EVA1C: variants seen among roughly 807,000 people sequenced by gnomAD.
EVA1C encodes the protein eva-1 homolog C.
EVA1C carries 25 observed loss-of-function variants against 45.4 expected under a neutral mutation model. That is an observed-to-expected ratio of 0.55 (90% CI 0.40 to 0.77). EVA1C has a LOEUF of 0.77. Ranked by LOEUF, EVA1C falls within the 30% of genes least tolerant of loss-of-function variation. EVA1C has a pLI of 0.00. For synonymous variants in EVA1C, 190 were observed against 221.2 expected (o/e 0.86, Z 1.25); for missense variants, 479 against 554.8 (o/e 0.86, Z 1.37).
chr21:32,434,643 T>TATATAG (rs1244005602), intron 1 of EVA1C, among the ~76,000 whole-genome samples: 2 of 144,018 alleles, frequency 1.4e-5, no homozygotes, highest in East Asian at 4.1e-4. Context: ...ATTTTATATA[T>TATATAG]ATATAGATAT....
intron 4 of EVA1C, among the ~76,000 whole-genome samples, chr21:32,473,756 G>A (rs2036462110): frequency 6.6e-6 from 1 of 152,184 alleles, no homozygotes; most frequent in Non-Finnish European, 1.5e-5. Flanking sequence ...GGAATGCAGT[G>A]ATGCACCAAG....
At position 32,468,390 on chromosome 21, in the gene EVA1C, AC is replaced by A. The variant is rs377686479; in HGVS notation, c.634+543del. On this transcript the variant is annotated intron_variant, in intron 4 of 7. Coordinates refer to ENST00000300255, the MANE Select transcript of EVA1C (RefSeq NM_058187.5). ...CCTGTCTCAAAAAACAAACAAACAA[AC>A]AAAAAAACAAAACAAACAAAAAAAC... Among the ~76,000 whole-genome samples, 29 of 142,520 alleles carry A rather than the reference AC, an allele frequency of 2.0e-4. 1 individual carries two copies. The highest frequency in any genetic ancestry group is 7.2e-4 in the African/African-American group (27 of 37,476). The allele number at this position is 142,520 out of a possible 152,430, so 93.5% of individuals were successfully genotyped here.
intron 3 of EVA1C, among the ~76,000 whole-genome samples, chr21:32,461,507 C>G (rs2035996047): frequency 6.6e-6 from 1 of 152,200 alleles, no homozygotes; most frequent in Admixed American, 6.5e-5. Context: ...TGAGGCTCTT[C>G]TTCTCAATTC....
chr21:32,467,998 T>C, intron 4 of EVA1C, 150 bp downstream of exon 4: 1 of 417,444 alleles, frequency 2.4e-6, no homozygotes, highest in Non-Finnish European at 3.7e-6. Context: ...AGTTAATACT[T>C]AATAAACTCC....
chr21:32,499,350 G>A (rs574121616), intron 5 of EVA1C, among the ~76,000 whole-genome samples: 6 of 152,298 alleles, frequency 3.9e-5, no homozygotes, highest in East Asian at 1.9e-4. Context: ...TCAGCTCTCC[G>A]GAGCTGCCAG....
At chr21:32,430,807 TAATAAA>T (rs1259005724) in intron 1 of EVA1C, among the ~76,000 whole-genome samples, 2 of 152,046 alleles carry the variant, frequency 1.3e-5, no homozygotes, top group Non-Finnish European at 2.9e-5. Flanking sequence ...ACCCCATCTC[TAATAAA>T]AATACAAAAA....
Position 32,514,805 on chromosome 21 carries a change from C to T in EVA1C, c.950-9C>T. 1 of 1,534,986 alleles carries T rather than the reference C, an allele frequency of 6.5e-7. No individual in the cohort carries two copies. The highest frequency in any genetic ancestry group is 1.3e-5 in the South Asian group (1 of 78,298). On this transcript the variant is annotated splice_polypyrimidine_tract_variant and intron_variant, in intron 7 of 7. Coordinates refer to ENST00000300255, the MANE Select transcript of EVA1C (RefSeq NM_058187.5). ...TCCCAGCTCCTGACATGTTCTCTTC[C>T]TCCTGCAGCCCACCCGGAGAGAGCT...
intron 4 of EVA1C, 135 bp from the exon 5 acceptor site, chr21:32,494,892 A>G: frequency 1.0e-6 from 1 of 952,840 alleles, no homozygotes; most frequent in Non-Finnish European, 1.6e-6. Flanking sequence ...CTTTAATGAG[A>G]CAGAAAATAA....
chr21:32,437,925 T>G (rs1687667874), intron 1 of EVA1C, among the ~76,000 whole-genome samples: 1 of 152,186 alleles, frequency 6.6e-6, no homozygotes, highest in African/African-American at 2.4e-5. Flanking sequence ...CTGGAGGCCT[T>G]GGGACTCTAA....
chr21:32,466,107 T>C (rs1229514374), intron 3 of EVA1C, among the ~76,000 whole-genome samples: 1 of 151,590 alleles, frequency 6.6e-6, no homozygotes, highest in East Asian at 1.9e-4. Context: ...TCTGCAGTGT[T>C]AGCTCTTACT....
chr21:32,457,776 C>G, intron 3 of EVA1C, 56 bp downstream of exon 3: 1 of 1,600,148 alleles, frequency 6.2e-7, no homozygotes. Flanking sequence ...GTTTCCTTCA[C>G]ACTCCTGGTC....
At chr21:32,444,091 C>CACACACACACAA (rs1555855221) in intron 1 of EVA1C, among the ~76,000 whole-genome samples, 2 of 146,282 alleles carry the variant, frequency 1.4e-5, no homozygotes, top group African/African-American at 5.2e-5. Context: ...CACACACACA[C>CACACACACACAA]AAACTCAAAG....
At chr21:32,471,218 T>C (rs1244310691) in intron 4 of EVA1C, among the ~76,000 whole-genome samples, 1 of 152,122 alleles carries the variant, frequency 6.6e-6, no homozygotes, top group Non-Finnish European at 1.5e-5. Flanking sequence ...ATTCTTAACC[T>C]TTATAATATT....
chr21:32,415,683 G>T (rs909316403), intron 1 of EVA1C, among the ~76,000 whole-genome samples: 1 of 151,984 alleles, frequency 6.6e-6, no homozygotes, highest in African/African-American at 2.4e-5. Flanking sequence ...CTCGTGACTT[G>T]TTCTAATCAC....
At position 32,497,763 on chromosome 21, in the gene EVA1C, T is replaced by C. The variant is rs186404002; in HGVS notation, c.778+2593T>C. 2.2e-3 allele frequency among the ~76,000 whole-genome samples: 335 copies of C among 152,246 alleles called. 1 individual carries two copies. Among genetic ancestry groups the C allele is most frequent in the African/African-American group, 7.7e-3 (318 of 41,548 alleles). On this transcript the variant is annotated intron_variant, in intron 5 of 7. Transcript: ENST00000300255. ...TCCACATGGCTAGGAGGTCTCACAG[T>C]CATGGCGGAAGGCAAGGAGGAACAA... is the stretch of plus-strand genomic sequence containing the variant.
At chr21:32,510,452 T>C (rs1437251514) in intron 7 of EVA1C, among the ~76,000 whole-genome samples, 1 of 152,182 alleles carries the variant, frequency 6.6e-6, no homozygotes, top group Non-Finnish European at 1.5e-5. Flanking sequence ...CCAATGTGTG[T>C]TTCTTAAAGA....
At position 32,514,939 on chromosome 21, in the gene EVA1C, G is replaced by C; in HGVS notation, c.1075G>C (p.Glu359Gln). 1 of 1,614,166 alleles carries C rather than the reference G, an allele frequency of 6.2e-7. No individual in the cohort carries two copies. The highest frequency in any genetic ancestry group is 8.5e-7 in the Non-Finnish European group (1 of 1,180,034). ...KDFRDLQLGR[E>Q]QLVPGSDKVE... ...CTTCCGCGACTTGCAGCTGGGGAGG[G>C]AGCAGCTGGTGCCAGGAAGTGACAA... The change falls in exon 8 of 8, where the codon GAG becomes CAG. Residue 359 changes from glutamate to glutamine, a missense_variant. Physicochemically the swap from Glu to Gln is conservative, Grantham distance 29. Transcript: ENST00000300255.
chr21:32,453,052 C>A, intron 1 of EVA1C: 1 of 405,754 alleles, frequency 2.5e-6, no homozygotes. Context: ...GGGTGGAGCC[C>A]TCGCCAGGGA....
intron 4 of EVA1C, among the ~76,000 whole-genome samples, chr21:32,478,715 A>AG (rs35769897): frequency 1 from 152,390 of 152,394 alleles, 76,193 homozygotes; most frequent in Middle Eastern, 1. Context: ...CTTTTCCCGA[A>AG]GGCTGGGCCT....
Sources: gnomAD v4.1 joint callset for allele counts (sites outside exome capture counted in the v4.1 genomes callset) on GRCh38, gnomAD v4.1.1 for gene constraint, MANE v1.5 for transcripts, NCBI Gene and HGNC (gene_info 2026-07-23, HGNC 2026-07-21) for gene names.